The following L3MBTL4 variants were observed in gnomAD, a reference collection of about 807,000 sequenced individuals.
L3MBTL4 encodes L3MBTL histone methyl-lysine binding protein 4.
Under a neutral mutation model 84.5 loss-of-function variants are expected in L3MBTL4, and 70 were observed. The ratio of observed to expected loss-of-function variants is 0.83; its 90% CI spans 0.68 to 1.01. The LOEUF is 1.01. L3MBTL4 is among the 50% of genes least tolerant of loss of function. L3MBTL4 has a pLI of 0.00. For synonymous variants in L3MBTL4, 274 were observed against 259.8 expected (o/e 1.05, Z -0.52); for missense variants, 715 against 754.8 (o/e 0.95, Z 0.62).
intron 13 of L3MBTL4, among the ~76,000 whole-genome samples, chr18:6,158,010 C>T (rs2144944067): frequency 6.6e-6 from 1 of 152,302 alleles, no homozygotes; most frequent in Admixed American, 6.5e-5. Context: ...AATTCCATAG[C>T]TACTACTCAA....
chr18:6,397,404 GTTC>G (rs1469891905), intron 1 of L3MBTL4: 1 of 152,026 alleles, frequency 6.6e-6, no homozygotes, highest in Non-Finnish European at 1.5e-5. Flanking sequence ...TTTGTTAATA[GTTC>G]TTATTTAAAA....
intron 18 of L3MBTL4, among the ~76,000 whole-genome samples, chr18:5,958,064 GAA>G (rs2095239157): frequency 1.2e-4 from 2 of 17,376 alleles, no homozygotes; most frequent in Middle Eastern, 0.018. Context: ...AGGAGAAGGA[GAA>G]GAAGAAGAAG....
intron 13 of L3MBTL4, among the ~76,000 whole-genome samples, chr18:6,154,731 T>C (rs1291254562): frequency 6.6e-6 from 1 of 152,172 alleles, no homozygotes; most frequent in Non-Finnish European, 1.5e-5. Flanking sequence ...TTTTCAGTAA[T>C]TGTGATTAAA....
intron 16 of L3MBTL4, among the ~76,000 whole-genome samples, chr18:5,994,362 G>A (rs1233397072): frequency 6.6e-6 from 1 of 152,182 alleles, no homozygotes; most frequent in Non-Finnish European, 1.5e-5. Flanking sequence ...GCTCAAAAAA[G>A]ACCTTCTTTG....
At position 6,316,038 on chromosome 18, in the gene L3MBTL4, C is replaced by T. The variant is rs187282758; in HGVS notation, c.-90-3982G>A. Reference sequence around the variant, plus strand: ...TTTCTAAACAGTTACGTCACTCTCACGGAGTCCATGCCACTCCCCTGCCAC... The same window carrying T: ...TTTCTAAACAGTTACGTCACTCTCATGGAGTCCATGCCACTCCCCTGCCAC... On this transcript the variant is annotated intron_variant, in intron 1 of 18. Transcript: ENST00000317931. 2.4e-4 allele frequency among the ~76,000 whole-genome samples: 37 copies of T among 152,046 alleles called. No homozygotes were observed. In the East Asian group the frequency reaches 6.8e-3, roughly 28 times the overall value.
intron 14 of L3MBTL4, among the ~76,000 whole-genome samples, chr18:6,116,368 T>G (rs912874475): frequency 3.2e-4 from 48 of 150,436 alleles, no homozygotes; most frequent in South Asian, 2.8e-3. Flanking sequence ...GGTTTTTTTT[T>G]TTTTTTTTTT....
intron 14 of L3MBTL4, among the ~76,000 whole-genome samples, chr18:6,120,268 C>CCCT (rs2059484630): frequency 1.3e-5 from 2 of 152,190 alleles, no homozygotes; most frequent in African/African-American, 4.8e-5. Context: ...GGCCCGGGGC[C>CCCT]TGCTTGCTAA....
Position 6,370,310 on chromosome 18 carries a change from A to C in L3MBTL4, c.-91+44491T>G, listed in dbSNP as rs545763328. ...CTGATGCATAAATCATAAACATAGC[A>C]GATTGGCTATAATGTCCTCATGCAA... On this transcript the variant is annotated intron_variant, in intron 1 of 18. Transcript: ENST00000317931. 5.9e-5 allele frequency among the ~76,000 whole-genome samples: 9 copies of C among 152,312 alleles called. No homozygotes were observed. The South Asian group carries it at 1.9e-3, about 32-fold the overall frequency.
Position 5,988,151 on chromosome 18 carries a change from C to T in L3MBTL4, c.1445-18589G>A, listed in dbSNP as rs144114600. ...TTGCCAAGACAACGTAGTCCATCAG[C>T]AAATCAGTGGACTTGGGAAGGAGGT... is the stretch of plus-strand genomic sequence containing the variant. On this transcript the variant is annotated intron_variant, in intron 16 of 18. Transcript: ENST00000317931. Among the ~76,000 whole-genome samples the T allele has an allele frequency of 3.3e-3, 496 of 152,322 alleles. 2 individuals are homozygous for T. Among genetic ancestry groups the T allele is most frequent in the Non-Finnish European group, 5.7e-3 (386 of 68,036 alleles).
chr18:6,244,234 C>A (rs1477006774), intron 6 of L3MBTL4, among the ~76,000 whole-genome samples: 2 of 152,072 alleles, frequency 1.3e-5, no homozygotes, highest in Admixed American at 6.6e-5. Flanking sequence ...TTGTTAGCAA[C>A]CTCAAGTGAA....
At chr18:6,371,019 T>A (rs184677286) in intron 1 of L3MBTL4, among the ~76,000 whole-genome samples, 1 of 152,276 alleles carries the variant, frequency 6.6e-6, no homozygotes, top group African/African-American at 2.4e-5. Context: ...CCAGTTGATT[T>A]ATTAACTTAG....
At chr18:6,297,858 T>G (rs2050171002) in intron 4 of L3MBTL4, among the ~76,000 whole-genome samples, 1 of 152,198 alleles carries the variant, frequency 6.6e-6, no homozygotes, top group Non-Finnish European at 1.5e-5. Context: ...CTTTTCCTCT[T>G]GTGTAATTTA....
intron 16 of L3MBTL4, among the ~76,000 whole-genome samples, chr18:5,991,329 A>G (rs553332365): frequency 4.6e-5 from 7 of 152,314 alleles, no homozygotes; most frequent in Non-Finnish European, 1.0e-4. Flanking sequence ...TGCCTTGCAT[A>G]CAGTAGGGGC....
At chr18:6,163,276 T>G (rs866873238) in intron 13 of L3MBTL4, among the ~76,000 whole-genome samples, 3,309 of 102,424 alleles carry the variant, frequency 0.032, 226 homozygotes, top group African/African-American at 0.12. Context: ...GGGGTGGGTG[T>G]GTGTGTGTGT....
intron 1 of L3MBTL4, among the ~76,000 whole-genome samples, chr18:6,352,841 CA>C (rs2053261926): frequency 6.6e-6 from 1 of 152,086 alleles, no homozygotes; most frequent in South Asian, 2.1e-4. Flanking sequence ...AGACATTTTT[CA>C]GGAACTTTAA....
chr18:6,196,049 G>A (rs2045363015), intron 12 of L3MBTL4, among the ~76,000 whole-genome samples: 1 of 151,694 alleles, frequency 6.6e-6, no homozygotes, highest in African/African-American at 2.4e-5. Context: ...ACCAGCCAGA[G>A]CGCCTGCCAC....
At chr18:6,048,583 G>A (rs945510207) in intron 16 of L3MBTL4, among the ~76,000 whole-genome samples, 3 of 152,064 alleles carry the variant, frequency 2.0e-5, no homozygotes, top group African/African-American at 7.2e-5. Context: ...GCTCACTTAA[G>A]GTCAGGAGTT....
chr18:6,181,927 T>C (rs765096007), intron 12 of L3MBTL4, among the ~76,000 whole-genome samples: 1 of 152,176 alleles, frequency 6.6e-6, no homozygotes, highest in Non-Finnish European at 1.5e-5. Flanking sequence ...GGCATTTGGG[T>C]TGATTCTGTG....
intron 1 of L3MBTL4, among the ~76,000 whole-genome samples, chr18:6,357,625 C>A (rs1387225630): frequency 2.6e-5 from 4 of 152,174 alleles, no homozygotes; most frequent in Non-Finnish European, 5.9e-5. Context: ...ACATAAGCAA[C>A]TGTGAAAATT....
Sources: gnomAD v4.1 joint callset for allele counts (sites outside exome capture counted in the v4.1 genomes callset) on GRCh38, gnomAD v4.1.1 for gene constraint, MANE v1.5 for transcripts, NCBI Gene and HGNC (gene_info 2026-07-23, HGNC 2026-07-21) for gene names.